The following ALPK1 variants were observed in gnomAD, a reference collection of about 807,000 sequenced individuals.
ALPK1 encodes the protein alpha kinase 1, also known as alpha-protein kinase 1.
In ALPK1, 110 loss-of-function variants were observed where a neutral mutation model predicts 120.6. The ratio of observed to expected loss-of-function variants is 0.91; its 90% CI spans 0.78 to 1.07. The LOEUF is 1.07. Among genes scored for constraint, ALPK1 ranks in the 50% least tolerant of loss-of-function variants. ALPK1 has a pLI of 0.00. For missense variants in ALPK1, 1,498 were observed against 1,483.9 expected (o/e 1.01, Z -0.16); for synonymous variants, 582 against 560.3 (o/e 1.04, Z -0.55).
At chr4:112,340,273 A>C (rs1311966857) in intron 2 of ALPK1, among the ~76,000 whole-genome samples, 2 of 152,264 alleles carry the variant, frequency 1.3e-5, no homozygotes, top group Admixed American at 6.5e-5. Flanking sequence ...ATGAAATGTA[A>C]ATGTCTACGG....
intron 11 of ALPK1, 144 bp from the exon 12 acceptor site, chr4:112,435,004 A>G (rs1734726947): frequency 6.6e-6 from 5 of 754,552 alleles, no homozygotes; most frequent in Non-Finnish European, 1.1e-5. Context: ...TAGTTGTCAT[A>G]GAAGAGATGA....
At chr4:112,419,872 A>C (rs953616024) in intron 5 of ALPK1, among the ~76,000 whole-genome samples, 3 of 152,204 alleles carry the variant, frequency 2.0e-5, no homozygotes, top group African/African-American at 4.8e-5. Context: ...TTATTTGTGA[A>C]ATGAAGACAA....
At chr4:112,419,518 A>C (rs1031919712) in intron 5 of ALPK1, among the ~76,000 whole-genome samples, 2 of 152,150 alleles carry the variant, frequency 1.3e-5, no homozygotes, top group Non-Finnish European at 2.9e-5. Flanking sequence ...GCAGAAGGGA[A>C]AGAAGGAGGA....
intron 2 of ALPK1, among the ~76,000 whole-genome samples, chr4:112,330,690 C>CT (rs1330624452): frequency 6.6e-6 from 1 of 152,122 alleles, no homozygotes; most frequent in African/African-American, 2.4e-5. Flanking sequence ...TACCAGTACC[C>CT]ATGCCTTATG....
chr4:112,377,705 A>G lies in ALPK1; in HGVS notation c.-73A>G. 5 of 1,400,314 alleles carry G rather than the reference A, an allele frequency of 3.6e-6. No homozygotes were observed. Among genetic ancestry groups the G allele is most frequent in the Non-Finnish European group, 4.7e-6 (5 of 1,055,604 alleles). The allele number at this position is 1,400,314 out of a possible 1,614,324, so 86.7% of individuals were successfully genotyped here. A position where few individuals can be genotyped will look rare whatever the true frequency, so the allele number is the denominator to read the frequency against. The stretch of plus-strand genomic sequence containing the variant: ...ACTTCGGCCTTCAAGGGGCTCCTTT[A>G]TTGAGAATCAATGTCTTCTCCTAGG... On this transcript the variant is annotated 5_prime_UTR_variant, in exon 3 of 16. Coordinates refer to ENST00000650871, the MANE Select transcript of ALPK1 (RefSeq NM_025144.4).
intron 4 of ALPK1, among the ~76,000 whole-genome samples, chr4:112,386,054 C>A (rs1024587454): frequency 1.3e-5 from 2 of 152,194 alleles, no homozygotes; most frequent in African/African-American, 4.8e-5. Flanking sequence ...AAGTCACAAA[C>A]AACTGTTTTC....
At chr4:112,435,636 AAAAG>A (rs200797299) in intron 12 of ALPK1, among the ~76,000 whole-genome samples, 1,882 of 152,348 alleles carry the variant, frequency 0.012, 24 homozygotes, top group Non-Finnish European at 0.021. Context: ...TGCTGGCAAA[AAAAG>A]GTAAATTATG....
chr4:112,357,202 G>C, intron 2 of ALPK1: 1 of 1,551,542 alleles, frequency 6.4e-7, no homozygotes, highest in Non-Finnish European at 8.8e-7. Context: ...CCCAGAGCAC[G>C]TTTCAGACCA....
At chr4:112,414,305 A>G (rs1301845949) in intron 5 of ALPK1, 3 of 494,268 alleles carry the variant, frequency 6.1e-6, no homozygotes, top group African/African-American at 5.8e-5. Context: ...GGGATGTCAG[A>G]AGCAAGAGAA....
In ALPK1 at chr4:112,425,512, A is replaced by G. The variant is rs550448480; in HGVS notation, c.536-153A>G. ...GTCAGTTCCTGCAGAGCCTTAGACTACAGCAAGAAGTTTGGACCTGATTCT... is the reference window on the plus strand; with the variant it reads ...GTCAGTTCCTGCAGAGCCTTAGACTGCAGCAAGAAGTTTGGACCTGATTCT... On this transcript the variant is annotated intron_variant, in intron 6 of 15. Coordinates refer to ENST00000650871, the MANE Select transcript of ALPK1 (RefSeq NM_025144.4). 9 of 591,946 alleles carry G rather than the reference A, an allele frequency of 1.5e-5. No homozygotes were observed. In the East Asian group the frequency reaches 2.8e-4, roughly 19 times the overall value. 36.7% of individuals were successfully genotyped at this position (591,946 alleles called of 1,614,324 possible). A position where few individuals can be genotyped will look rare whatever the true frequency, so the allele number is the denominator to read the frequency against.
chr4:112,357,339 C>A (rs1730681031), intron 2 of ALPK1: 2 of 809,788 alleles, frequency 2.5e-6, no homozygotes, highest in East Asian at 2.5e-5. Context: ...AGTGTAGACC[C>A]CTCCGAGAAT....
chr4:112,426,462 T>TC lies in ALPK1; in HGVS notation c.623-5_623-4insC. ...CCCTCTCCCCGCCCCTCTTTTTTTT[T>TC]TCAGGGATGTGGTACGAAGCAGCAG... On this transcript the variant is annotated splice_region_variant and splice_polypyrimidine_tract_variant and intron_variant, in intron 7 of 15. Coordinates refer to ENST00000650871, the MANE Select transcript of ALPK1 (RefSeq NM_025144.4). 1 of 1,610,708 alleles carries TC rather than the reference T, an allele frequency of 6.2e-7. No individual in the cohort carries two copies. The highest frequency in any genetic ancestry group is 2.2e-5 in the East Asian group (1 of 44,630).
chr4:112,375,576 G>A (rs1309658447), intron 2 of ALPK1, among the ~76,000 whole-genome samples: 1 of 152,090 alleles, frequency 6.6e-6, no homozygotes, highest in African/African-American at 2.4e-5. Flanking sequence ...AGTCTTCATA[G>A]AGTTGAAGAC....
intron 2 of ALPK1, chr4:112,358,100 G>T: frequency 6.8e-6 from 4 of 587,660 alleles, no homozygotes; most frequent in Admixed American, 6.4e-5. Flanking sequence ...CTTAAGATGC[G>T]AGATGAAGGG....
intron 2 of ALPK1, among the ~76,000 whole-genome samples, chr4:112,363,287 T>C (rs1197552738): frequency 6.6e-6 from 1 of 152,110 alleles, no homozygotes; most frequent in Non-Finnish European, 1.5e-5. Flanking sequence ...ACTTAAAAGA[T>C]ACAGAATAGC....
chr4:112,339,674 G>A lies in ALPK1; in HGVS notation c.-101+23822G>A, dbSNP rs199820509. Reference sequence around the variant, plus strand: ...TAGTTTGCCATACTTTGTTGAAATTGAATCACTGCATCATCTATTGGCAGC... The same window carrying A: ...TAGTTTGCCATACTTTGTTGAAATTAAATCACTGCATCATCTATTGGCAGC... On this transcript the variant is annotated intron_variant, in intron 2 of 15. Coordinates refer to ENST00000650871, the MANE Select transcript of ALPK1 (RefSeq NM_025144.4). Among the ~76,000 whole-genome samples, 23 of 152,240 alleles carry A rather than the reference G, an allele frequency of 1.5e-4. No individual in the cohort carries two copies. The East Asian group carries it at 3.7e-3, about 24-fold the overall frequency.
At chr4:112,310,766 G>T (rs73843071) in intron 1 of ALPK1, among the ~76,000 whole-genome samples, 12,932 of 151,802 alleles carry the variant, frequency 0.085, 876 homozygotes, top group Admixed American at 0.21. Flanking sequence ...AGTTTTTTTT[G>T]ATAATTAAAT....
rs1734554543 is a variant in ALPK1, at chr4:112,431,568, T to C, written c.2021T>C (p.Phe674Ser). The part of the protein sequence containing the change: ...QPQQQMPLTP[F>S]SPHNTPGIFL... ...CAGCAACAGATGCCCTTGACACCCTTCTCGCCTCATAATACCCCAGGCATT... is the reference window on the plus strand; with the variant it reads ...CAGCAACAGATGCCCTTGACACCCTCCTCGCCTCATAATACCCCAGGCATT... The change falls in exon 11 of 16, where the codon TTC becomes TCC. Residue 674 changes from phenylalanine (F) to serine (S), a missense_variant. Coordinates refer to ENST00000650871, the MANE Select transcript of ALPK1 (RefSeq NM_025144.4). 1 of 1,614,138 alleles carries C rather than the reference T, an allele frequency of 6.2e-7. No individual in the cohort carries two copies. Among genetic ancestry groups the C allele is most frequent in the East Asian group, 2.2e-5 (1 of 44,888 alleles).
At chr4:112,299,334 A>G (rs752275690) in intron 1 of ALPK1, among the ~76,000 whole-genome samples, 1 of 152,192 alleles carries the variant, frequency 6.6e-6, no homozygotes, top group African/African-American at 2.4e-5. Flanking sequence ...TATGGTATAC[A>G]TGCTACTGAT....
Sources: gnomAD v4.1 joint callset for allele counts (sites outside exome capture counted in the v4.1 genomes callset) on GRCh38, gnomAD v4.1.1 for gene constraint, MANE v1.5 for transcripts, NCBI Gene and HGNC (gene_info 2026-07-23, HGNC 2026-07-21) for gene names.